ARHGEF11: variants seen among roughly 807,000 people sequenced by gnomAD.
ARHGEF11 encodes Rho guanine exchange factor (GEF) 11.
In ARHGEF11, 55 loss-of-function variants were observed where a neutral mutation model predicts 193.7. The observed-to-expected ratio is 0.28, with a 90% CI of 0.23 to 0.36. The LOEUF is 0.36. ARHGEF11 is among the 10% of genes least tolerant of loss of function. The probability of loss-of-function intolerance (pLI) is 1.00; values close to 1 mark genes in which losing one functional copy is unlikely to be tolerated. For synonymous variants in ARHGEF11, 693 were observed against 768.0 expected (o/e 0.90, Z 1.62); for missense variants, 1,723 against 2,005.6 (o/e 0.86, Z 2.69).
intron 1 of ARHGEF11, 98 bp downstream of exon 1, chr1:157,044,201 C>T: frequency 8.5e-7 from 1 of 1,181,148 alleles, no homozygotes; most frequent in South Asian, 1.2e-5. Context: ...CATAGCCCAC[C>T]CAGACCCCTA....
At chr1:157,016,695 A>C (rs1020813366) in intron 1 of ARHGEF11, among the ~76,000 whole-genome samples, 4 of 152,360 alleles carry the variant, frequency 2.6e-5, no homozygotes, top group Non-Finnish European at 2.9e-5. Context: ...AATCTGATGA[A>C]GGGTATGTAG....
chr1:156,956,564 G>T lies in ARHGEF11; in HGVS notation c.1527C>A (p.Ser509Arg). The T allele has an allele frequency of 1.2e-6, 2 of 1,614,060 alleles. No homozygotes were observed. The highest frequency in any genetic ancestry group is 1.7e-6 in the Non-Finnish European group (2 of 1,179,944). Residue 509 changes from serine (S) to arginine (R), a missense_variant and splice_region_variant, in exon 19 of 41, where the codon AGC (serine) becomes AGA (arginine). Physicochemically the swap from Ser to Arg is moderately radical, Grantham distance 110. Transcript: ENST00000368194. ...DILSKYEEDR[S>R]APMDFALNTY... ...TATTGAGGGCGAAGTCCATGGGGGC[G>T]CTGTAAAAGAGGAACAGTGTCCTGA...
chr1:157,001,370 A>C (rs1667188543), intron 1 of ARHGEF11, among the ~76,000 whole-genome samples: 1 of 152,224 alleles, frequency 6.6e-6, no homozygotes. Flanking sequence ...AGAGAAAATC[A>C]GAGTCAAGTT....
At chr1:156,949,058 T>C (rs368806927) in intron 22 of ARHGEF11, 3 of 985,464 alleles carry the variant, frequency 3.0e-6, no homozygotes, top group African/African-American at 3.5e-5. Context: ...CAGAAAGTTC[T>C]ATCTGCTGCT....
At chr1:156,957,844 A>C in intron 17 of ARHGEF11, 29 bp from the exon 18 acceptor site, 1 of 1,613,234 alleles carries the variant, frequency 6.2e-7, no homozygotes, top group Non-Finnish European at 8.5e-7. Context: ...CAGATGACTC[A>C]GACTGCAAAG....
At chr1:157,042,293 A>G (rs948319494) in intron 1 of ARHGEF11, among the ~76,000 whole-genome samples, 1 of 152,200 alleles carries the variant, frequency 6.6e-6, no homozygotes, top group Admixed American at 6.5e-5. Context: ...CCCAAGACAG[A>G]AAAGTAGAAG....
intron 1 of ARHGEF11, among the ~76,000 whole-genome samples, chr1:157,005,435 A>G (rs1667708355): frequency 6.6e-6 from 1 of 152,194 alleles, no homozygotes; most frequent in South Asian, 2.1e-4. Context: ...AGTGGACTTC[A>G]ACATCCTAAA....
Position 156,945,063 on chromosome 1 carries a change from T to C in ARHGEF11, c.2947A>G (p.Thr983Ala), listed in dbSNP as rs756391179. Residue 983 changes from threonine (T) to alanine (A), a missense_variant, in exon 30 of 41, where the codon ACC becomes GCC. By Grantham distance (58) the Thr-to-Ala change is moderately conservative. Coordinates refer to ENST00000368194, the MANE Select transcript of ARHGEF11 (RefSeq NM_198236.3). ...LEGYQKRLDA[T>A]ALERASNPLA... is the part of the protein sequence containing the mutation. ...GGGTTGCTGGCCCTCTCCAGGGCGG[T>C]GGCATCCAGGCGTTTCTGGTAGCCC... 5 of 1,614,068 alleles carry C rather than the reference T, an allele frequency of 3.1e-6. No individual in the cohort carries two copies. Among genetic ancestry groups the C allele is most frequent in the Admixed American group, 3.3e-5 (2 of 60,008 alleles).
Position 157,032,318 on chromosome 1 carries a change from G to A in ARHGEF11, c.32+11981C>T, listed in dbSNP as rs538792803. Among the ~76,000 whole-genome samples the A allele has an allele frequency of 6.6e-4, 101 of 152,276 alleles. 1 individual carries two copies. The highest frequency in any genetic ancestry group is 2.4e-3 in the African/African-American group (99 of 41,538). On this transcript the variant is annotated intron_variant, in intron 1 of 40. Transcript: ENST00000368194. ...CCACTGACAAGTTTTGAAATAGACA[G>A]TGAACAAAAGTTCTGTTCTGAGAAC...
At chr1:156,937,150 G>C (rs1036679211) in intron 39 of ARHGEF11, 99 bp downstream of exon 39, 90 of 1,583,252 alleles carry the variant, frequency 5.7e-5, no homozygotes, top group Admixed American at 1.2e-4. Flanking sequence ...GCCAGGACAG[G>C]ATCTAGGGCT....
intron 4 of ARHGEF11, among the ~76,000 whole-genome samples, chr1:156,979,759 G>C (rs1391380535): frequency 6.6e-6 from 1 of 152,174 alleles, no homozygotes; most frequent in Non-Finnish European, 1.5e-5. Context: ...TGTTCTGTTT[G>C]TATCTGCTAT....
At chr1:156,982,106 C>T (rs894036105) in intron 3 of ARHGEF11, among the ~76,000 whole-genome samples, 2 of 152,056 alleles carry the variant, frequency 1.3e-5, no homozygotes, top group Non-Finnish European at 2.9e-5. Flanking sequence ...CCCTCTTATA[C>T]GTTCATTTAG....
At chr1:156,979,325 A>C (rs780463407) in intron 4 of ARHGEF11, 39 bp from the exon 5 acceptor site, 3 of 1,550,618 alleles carry the variant, frequency 1.9e-6, no homozygotes, top group Admixed American at 1.7e-5. Flanking sequence ...ATGGTAATGA[A>C]CAGCTAGGGG....
intron 29 of ARHGEF11, 154 bp from the exon 30 acceptor site, chr1:156,945,351 C>T: frequency 2.7e-6 from 2 of 734,918 alleles, no homozygotes; most frequent in Non-Finnish European, 4.4e-6. Flanking sequence ...CATGAGGACC[C>T]CAAGTGGTAA....
At chr1:156,951,453 G>T in intron 22 of ARHGEF11, 120 bp downstream of exon 22, 1 of 1,397,788 alleles carries the variant, frequency 7.2e-7, no homozygotes, top group Non-Finnish European at 9.7e-7. Flanking sequence ...AGGAAGTTCT[G>T]TAAAGGGAGC....
At chr1:157,024,188 C>T (rs1353186398) in intron 1 of ARHGEF11, among the ~76,000 whole-genome samples, 1 of 152,132 alleles carries the variant, frequency 6.6e-6, no homozygotes. Context: ...CAAATGACCA[C>T]ATTTTGTATA....
In ARHGEF11 at chr1:156,939,735, G is replaced by A. The variant is rs767565368; in HGVS notation, c.3909C>T (p.Asp1303=). The A allele has an allele frequency of 1.9e-6, 3 of 1,614,122 alleles. No individual in the cohort carries two copies. The highest frequency in any genetic ancestry group is 1.7e-6 in the Non-Finnish European group (2 of 1,180,008). Residue 1303 remains aspartate (D), a synonymous_variant, in exon 37 of 41, where the codon GAC becomes GAT. Coordinates refer to ENST00000368194, the MANE Select transcript of ARHGEF11 (RefSeq NM_198236.3). ...CCTCCAGCCCTGCAAGCTGGGTGTTGTCCCCTTCACCCCCAGGGGGTGCTT... is the reference window on the plus strand; with the variant it reads ...CCTCCAGCCCTGCAAGCTGGGTGTTATCCCCTTCACCCCCAGGGGGTGCTT... The part of the protein sequence containing the change: ...PGQAPPGGEG[D]NTQLAGLEGE...
intron 15 of ARHGEF11, among the ~76,000 whole-genome samples, chr1:156,959,514 A>G (rs1660470494): frequency 6.6e-6 from 1 of 152,170 alleles, no homozygotes; most frequent in Admixed American, 6.5e-5. Context: ...AAGGCTAAAA[A>G]AGGCAAGCAC....
chr1:156,958,282 C>A (rs1375367893), intron 17 of ARHGEF11, among the ~76,000 whole-genome samples: 2 of 152,158 alleles, frequency 1.3e-5, no homozygotes, highest in Non-Finnish European at 2.9e-5. Flanking sequence ...GCCAGAAGCA[C>A]CTTAGTATAT....
Sources: gnomAD v4.1 joint callset for allele counts (sites outside exome capture counted in the v4.1 genomes callset) on GRCh38, gnomAD v4.1.1 for gene constraint, MANE v1.5 for transcripts, NCBI Gene and HGNC (gene_info 2026-07-23, HGNC 2026-07-21) for gene names.